POLR3A: variants seen among roughly 807,000 people sequenced by gnomAD.
POLR3A encodes the protein DNA-directed RNA polymerase III subunit RPC1.
Under a neutral mutation model 152.8 loss-of-function variants are expected in POLR3A, and 112 were observed. The observed-to-expected ratio is 0.73, with a 90% confidence interval of 0.63 to 0.86. The LOEUF (loss-of-function observed/expected upper bound fraction) is 0.86. Among genes scored for constraint, POLR3A ranks in the 40% least tolerant of loss-of-function variants. The pLI, the probability that POLR3A is intolerant of heterozygous loss-of-function variation, is 0.00. For synonymous variants in POLR3A, 615 were observed against 652.1 expected, an observed-to-expected ratio of 0.94 and a Z score of 0.87; for missense variants, 1,385 against 1,743.1, an observed-to-expected ratio of 0.79 and a Z score of 3.66.
chr10:77,994,412 G>A (rs1847278773), intron 19 of POLR3A, among the ~76,000 whole-genome samples: 1 of 151,492 alleles, frequency 6.6e-6, no homozygotes, highest in South Asian at 2.1e-4. Context: ...TAGGGAGAGA[G>A]AAGACACAAA....
At chr10:78,006,033 A>G (rs1847407406) in intron 15 of POLR3A, among the ~76,000 whole-genome samples, 1 of 152,190 alleles carries the variant, frequency 6.6e-6, no homozygotes, top group Non-Finnish European at 1.5e-5. Flanking sequence ...CAAATATAAT[A>G]AAACTATGAA....
chr10:77,983,386 T>C (rs1431984396), intron 26 of POLR3A, among the ~76,000 whole-genome samples: 1 of 152,246 alleles, frequency 6.6e-6, no homozygotes, highest in African/African-American at 2.4e-5. Context: ...CAGCTTTAAC[T>C]ACCCGAGAGA....
chr10:77,997,235 C>T (rs1050059705), intron 19 of POLR3A, among the ~76,000 whole-genome samples: 1 of 152,036 alleles, frequency 6.6e-6, no homozygotes, highest in African/African-American at 2.4e-5. Flanking sequence ...GGAAGCATTC[C>T]CTTTGAAAAC....
At chr10:77,999,797 G>A (rs1191040451) in intron 19 of POLR3A, among the ~76,000 whole-genome samples, 184 bp downstream of exon 19, 1 of 152,062 alleles carries the variant, frequency 6.6e-6, no homozygotes, top group African/African-American at 2.4e-5. Flanking sequence ...AGGATGATTC[G>A]GAACATACTA....
intron 1 of POLR3A, 87 bp from the exon 2 acceptor site, chr10:78,026,316 A>G (rs1398013157): frequency 7.3e-7 from 1 of 1,369,448 alleles, no homozygotes. Flanking sequence ...TAACCAACCT[A>G]TCCTTCCAAC....
intron 14 of POLR3A, 145 bp from the exon 15 acceptor site, chr10:78,008,011 G>A (rs1003956142): frequency 7.5e-6 from 4 of 534,978 alleles, no homozygotes; most frequent in East Asian, 6.8e-5. Flanking sequence ...CTTTTTTTTG[G>A]GGGGAGGGAG....
At chr10:78,022,489 T>G in intron 5 of POLR3A, 105 bp from the exon 6 acceptor site, 1 of 1,186,576 alleles carries the variant, frequency 8.4e-7, no homozygotes, top group East Asian at 2.3e-5. Flanking sequence ...TCACTAAGGA[T>G]AAGTGACAAC....
In POLR3A at chr10:78,021,897, C is replaced by A; in HGVS notation, c.1011G>T (p.Trp337Cys). The change falls in exon 7 of 31, where the codon TGG (tryptophan) becomes TGT (cysteine). Residue 337 changes from tryptophan (W) to cysteine (C), a missense_variant. Trp to Cys is a radical substitution (Grantham distance 215). This residue lies in a region of POLR3A where 493 missense variants were observed against 647.5 expected (regional missense o/e 0.76). Coordinates refer to ENST00000372371, the MANE Select transcript of POLR3A (RefSeq NM_007055.4). ...GIPLNMAPKKWTRGFVQRLKG... is the reference protein window; with the variant it reads ...GIPLNMAPKKCTRGFVQRLKG... Reference sequence around the variant, plus strand: ...TCAGGCGTTGGACGAAGCCTCTGGTCCACTTCTTGGGTGCCATGTTGAGGG... The same window carrying A: ...TCAGGCGTTGGACGAAGCCTCTGGTACACTTCTTGGGTGCCATGTTGAGGG... 6.2e-7 allele frequency: 1 copy of A among 1,614,094 alleles called. No individual in the cohort carries two copies. The highest frequency in any genetic ancestry group is 1.1e-5 in the South Asian group (1 of 91,078).
At chr10:78,019,546 C>T in intron 8 of POLR3A, 1 of 485,418 alleles carries the variant, frequency 2.1e-6, no homozygotes, top group Non-Finnish European at 3.8e-6. Context: ...GTAGGCTAGA[C>T]TGATCTATAG....
intron 27 of POLR3A, 119 bp from the exon 28 acceptor site, chr10:77,982,437 G>A: frequency 9.5e-7 from 1 of 1,051,286 alleles, no homozygotes; most frequent in South Asian, 1.3e-5. Context: ...CTAGTTTTAG[G>A]GATAAGGGAG....
intron 8 of POLR3A, 110 bp downstream of exon 8, chr10:78,021,436 G>T: frequency 2.9e-6 from 3 of 1,035,842 alleles, no homozygotes; most frequent in Non-Finnish European, 3.0e-6. Context: ...CCAAACTGTG[G>T]GTTGAGTGGG....
chr10:78,024,894 T>G, intron 4 of POLR3A, 77 bp downstream of exon 4: 1 of 1,562,020 alleles, frequency 6.4e-7, no homozygotes, highest in East Asian at 2.2e-5. Context: ...TCCCGAACAT[T>G]ATGTAAACCT....
chr10:78,012,567 G>A (rs553179936), intron 11 of POLR3A, among the ~76,000 whole-genome samples: 1 of 152,214 alleles, frequency 6.6e-6, no homozygotes, highest in African/African-American at 2.4e-5. Context: ...AATATAGGAA[G>A]CTGGAATACT....
chr10:77,993,961 T>G (rs1222126091), intron 19 of POLR3A, among the ~76,000 whole-genome samples: 2 of 152,174 alleles, frequency 1.3e-5, no homozygotes, highest in Non-Finnish European at 2.9e-5. Flanking sequence ...GAAATCTTCC[T>G]CTAGGCAACT....
chr10:77,983,095 T>C (rs1008061825), intron 26 of POLR3A, among the ~76,000 whole-genome samples: 2 of 152,212 alleles, frequency 1.3e-5, no homozygotes, highest in African/African-American at 2.4e-5. Context: ...GCAGCCTCTG[T>C]GGGAAGCTCT....
chr10:77,983,400 A>G (rs1185825383), intron 26 of POLR3A, among the ~76,000 whole-genome samples: 1 of 152,216 alleles, frequency 6.6e-6, no homozygotes, highest in Non-Finnish European at 1.5e-5. Flanking sequence ...CGAGAGAAAG[A>G]AGAGGGTGTC....
intron 2 of POLR3A, 46 bp downstream of exon 2, chr10:78,026,048 T>C (rs1303787023): frequency 6.2e-7 from 1 of 1,609,984 alleles, no homozygotes; most frequent in South Asian, 1.1e-5. Flanking sequence ...ACCAGTTTTA[T>C]CAGCAGGGCA....
chr10:77,981,396 C>T, intron 29 of POLR3A, 32 bp downstream of exon 29: 1 of 1,611,770 alleles, frequency 6.2e-7, no homozygotes, highest in Non-Finnish European at 8.5e-7. Flanking sequence ...TTCGGGATGC[C>T]CAGGCAGCCC....
intron 19 of POLR3A, among the ~76,000 whole-genome samples, chr10:77,993,953 A>C (rs1847273289): frequency 6.6e-6 from 1 of 152,180 alleles, no homozygotes; most frequent in African/African-American, 2.4e-5. Flanking sequence ...AAGAGAAGGA[A>C]ATCTTCCTCT....
Sources: gnomAD v4.1 joint callset for allele counts (sites outside exome capture counted in the v4.1 genomes callset) on GRCh38, gnomAD v4.1.1 for gene constraint, gnomAD v4.1.1 regional missense constraint, MANE v1.5 for transcripts, NCBI Gene and HGNC (gene_info 2026-07-23, HGNC 2026-07-21) for gene names.